Variants in SUMF1 observed in about 807,000 individuals in gnomAD.
SUMF1 encodes formylglycine-generating enzyme.
Under a neutral mutation model 47.6 loss-of-function variants are expected in SUMF1, and 48 were observed. The observed-to-expected ratio is 1.01, with a 90% confidence interval of 0.80 to 1.28. SUMF1 has a LOEUF of 1.28. SUMF1 is among the 50% of genes most tolerant of loss of function. SUMF1 has a pLI of 0.00. For missense variants in SUMF1, 571 were observed against 485.4 expected (o/e 1.18, Z -1.66); for synonymous variants, 230 against 192.1 (o/e 1.20, Z -1.63).
intron 8 of SUMF1, among the ~76,000 whole-genome samples, chr3:4,339,355 G>A (rs952289654): frequency 1.3e-5 from 2 of 152,160 alleles, no homozygotes; most frequent in Admixed American, 6.5e-5. Context: ...TTGGAGCACA[G>A]GAAGATCAAG....
At chr3:4,164,382 A>AC (rs1694651530) in intron 8 of SUMF1, among the ~76,000 whole-genome samples, 2 of 152,236 alleles carry the variant, frequency 1.3e-5, no homozygotes, top group East Asian at 3.9e-4. Flanking sequence ...GCTGGCGCTT[A>AC]CCCCAGGCAC....
At chr3:4,109,847 T>G (rs1408041548) in intron 8 of SUMF1, among the ~76,000 whole-genome samples, 2 of 152,126 alleles carry the variant, frequency 1.3e-5, no homozygotes, top group African/African-American at 2.4e-5. Context: ...TCAAAGCTTT[T>G]AACTTCTTTG....
intron 8 of SUMF1, among the ~76,000 whole-genome samples, chr3:4,273,760 AGGGGAGGATACGGGAG>A (rs1559640344): frequency 1.7e-4 from 3 of 17,644 alleles, no homozygotes; most frequent in East Asian, 1.8e-3. Flanking sequence ...AGGATACGGG[AGGGGAGGATACGGGAG>A]GGGAGGATAC....
intron 8 of SUMF1, among the ~76,000 whole-genome samples, chr3:4,352,312 T>C (rs1462747210): frequency 6.6e-6 from 1 of 152,058 alleles, no homozygotes; most frequent in Non-Finnish European, 1.5e-5. Context: ...CCCCAAAAAC[T>C]ACTCTGCAAA....
chr3:4,296,023 C>G (rs1052882296), intron 8 of SUMF1, among the ~76,000 whole-genome samples: 3 of 151,970 alleles, frequency 2.0e-5, no homozygotes, highest in Non-Finnish European at 4.4e-5. Context: ...AAACATAACA[C>G]AGGGTCACAA....
intron 8 of SUMF1, among the ~76,000 whole-genome samples, chr3:4,325,506 A>G (rs901572647): frequency 1.3e-5 from 2 of 152,122 alleles, no homozygotes; most frequent in African/African-American, 4.8e-5. Context: ...AGTGGCAGGC[A>G]CGAAGGTGGC....
intron 8 of SUMF1, among the ~76,000 whole-genome samples, chr3:4,287,032 T>C (rs933625352): frequency 6.6e-6 from 1 of 152,222 alleles, no homozygotes; most frequent in African/African-American, 2.4e-5. Context: ...AAGTGTCATT[T>C]GCCTTGTAAC....
At chr3:4,150,248 C>T (rs1574928947) in intron 8 of SUMF1, among the ~76,000 whole-genome samples, 1 of 147,486 alleles carries the variant, frequency 6.8e-6, no homozygotes, top group South Asian at 2.1e-4. Context: ...GGTGTGCCAC[C>T]ATACTAGCTA....
At chr3:4,376,997 C>T (rs1159900838) in intron 7 of SUMF1, among the ~76,000 whole-genome samples, 3 of 151,954 alleles carry the variant, frequency 2.0e-5, no homozygotes, top group Non-Finnish European at 4.4e-5. Context: ...GACAGGGTCT[C>T]GCTATATTGC....
chr3:4,440,613 C>T lies in SUMF1; in HGVS notation c.519+8653G>A, dbSNP rs141717690. The stretch of plus-strand genomic sequence containing the variant: ...CCAGTGTCATCCAAATAACAAAGCA[C>T]CCAGCACCACTTGGGCAGGATATGA... On this transcript the variant is annotated intron_variant, in intron 3 of 8. Transcript: ENST00000272902. 1.0e-3 allele frequency among the ~76,000 whole-genome samples: 158 copies of T among 152,314 alleles called. 2 individuals carry two copies. In the East Asian group the frequency reaches 0.027, roughly 26 times the overall value.
intron 8 of SUMF1, among the ~76,000 whole-genome samples, chr3:4,103,623 T>C (rs1281069110): frequency 3.3e-5 from 5 of 152,148 alleles, no homozygotes; most frequent in Admixed American, 3.3e-4. Context: ...CTTGACTTTC[T>C]TAGGCATGGA....
chr3:4,124,779 A>C (rs766223518), intron 8 of SUMF1, among the ~76,000 whole-genome samples: 1 of 150,346 alleles, frequency 6.7e-6, no homozygotes, highest in Non-Finnish European at 1.5e-5. Flanking sequence ...TATTGATTTG[A>C]GAATACTACC....
intron 8 of SUMF1, among the ~76,000 whole-genome samples, chr3:4,318,871 A>C (rs1460398894): frequency 9.9e-5 from 15 of 152,102 alleles, no homozygotes; most frequent in Admixed American, 9.8e-4. Context: ...ACACCACTGC[A>C]CTCCAGTCCA....
intron 7 of SUMF1, among the ~76,000 whole-genome samples, chr3:4,376,713 T>C (rs1700341303): frequency 6.6e-6 from 1 of 152,214 alleles, no homozygotes; most frequent in Non-Finnish European, 1.5e-5. Flanking sequence ...CCTCTTACCA[T>C]GTCATGATGC....
rs568431644 is a variant in SUMF1, at chr3:4,226,634, T to C, written c.1014+149696A>G. Among the ~76,000 whole-genome samples, 84 of 152,186 alleles carry C rather than the reference T, an allele frequency of 5.5e-4. 1 individual carries two copies. The highest frequency in any genetic ancestry group is 3.4e-3 in the Middle Eastern group (1 of 294). On this transcript the variant is annotated intron_variant and NMD_transcript_variant, in intron 8 of 12. Transcript: ENST00000448413. ...GCTACTATTTGCTATGGTTATTTTA[T>C]TAATATATTCATTTCCATATTTTAT...
intron 8 of SUMF1, chr3:4,313,389 A>G: frequency 1.2e-6 from 2 of 1,613,956 alleles, no homozygotes; most frequent in Non-Finnish European, 1.7e-6. Context: ...CTTATATAGG[A>G]AATATTGGAA....
intron 8 of SUMF1, among the ~76,000 whole-genome samples, chr3:4,138,254 G>A (rs541229545): frequency 8.5e-5 from 13 of 152,106 alleles, no homozygotes; most frequent in East Asian, 1.9e-4. Context: ...AAATCCTATC[G>A]AACTCTGTAT....
intron 7 of SUMF1, among the ~76,000 whole-genome samples, chr3:4,392,123 T>C (rs1033600600): frequency 2.0e-4 from 31 of 152,300 alleles, no homozygotes; most frequent in African/African-American, 7.5e-4. Flanking sequence ...CCACTGCACC[T>C]GTCCTGGATA....
rs187805771 is a variant in SUMF1, at chr3:4,290,732, T to G, written c.1014+85598A>C. Among the ~76,000 whole-genome samples the G allele has an allele frequency of 5.3e-4, 80 of 152,328 alleles. No homozygotes were observed. In the East Asian group the frequency reaches 0.012, roughly 22 times the overall value. On this transcript the variant is annotated intron_variant and NMD_transcript_variant, in intron 8 of 12. Coordinates refer to the SUMF1 transcript ENST00000448413. ...TTATTTTCTACTTCATATTGTATAG[T>G]CTTATCTCCCCTGCTAGACTGTAGG... is the stretch of plus-strand genomic sequence containing the variant.
Sources: gnomAD v4.1 joint callset for allele counts (sites outside exome capture counted in the v4.1 genomes callset) on GRCh38, gnomAD v4.1.1 for gene constraint, MANE v1.5 for transcripts, NCBI Gene and HGNC (gene_info 2026-07-23, HGNC 2026-07-21) for gene names.